The following UCK1 variants were observed in gnomAD, a reference collection of about 807,000 sequenced individuals.
UCK1 encodes the protein cytidine monophosphokinase 1.
Under a neutral mutation model 34.0 loss-of-function variants are expected in UCK1, and 20 were observed. That is an observed-to-expected ratio of 0.59 (90% CI 0.41 to 0.86). The LOEUF is 0.86. Among genes scored for constraint, UCK1 ranks in the 40% least tolerant of loss-of-function variants. The pLI, the probability that UCK1 is intolerant of heterozygous loss-of-function variation, is 0.00. For missense variants in UCK1, 343 were observed against 383.6 expected (o/e 0.89, Z 0.88); for synonymous variants, 168 against 155.9 (o/e 1.08, Z -0.58).
chr9:131,529,436 G>C lies in UCK1; in HGVS notation c.365+52C>G, dbSNP rs1950743685. On this transcript the variant is annotated intron_variant, in intron 3 of 6. Transcript: ENST00000372215. ...CAGGCAGGTCTGTGTGAGCCCGAGG[G>C]GACGTCCTAGCTGGCCCCTCTCCTC... 5.6e-6 allele frequency: 9 copies of C among 1,610,076 alleles called. No homozygotes were observed. In the South Asian group the frequency reaches 9.9e-5, roughly 18 times the overall value.
chr9:131,530,671 G>T, intron 1 of UCK1, 26 bp from the exon 2 acceptor site: 1 of 1,614,162 alleles, frequency 6.2e-7, no homozygotes, highest in Non-Finnish European at 8.5e-7. Flanking sequence ...CGGGATTCCC[G>T]CCTGGAACCG....
intron 1 of UCK1, 60 bp from the exon 2 acceptor site, chr9:131,530,705 C>T (rs1433435239): frequency 6.2e-7 from 1 of 1,613,850 alleles, no homozygotes; most frequent in Non-Finnish European, 8.5e-7. Flanking sequence ...AGGCACGGGG[C>T]CGGCTTCTGG....
chr9:131,530,820 A>T, intron 1 of UCK1, 175 bp from the exon 2 acceptor site: 1 of 1,223,300 alleles, frequency 8.2e-7, no homozygotes, highest in Non-Finnish European at 1.1e-6. Flanking sequence ...CAACGGGGTT[A>T]GCACGGACTT....
chr9:131,530,684 C>G (rs7867616), intron 1 of UCK1, 39 bp from the exon 2 acceptor site: 1,386,631 of 1,614,018 alleles, frequency 0.86, 598,112 homozygotes, highest in East Asian at 1. Context: ...TGGAACCGCT[C>G]GTCCTGTGAC....
chr9:131,526,245 C>A (rs1950599570), intron 5 of UCK1: 1 of 664,308 alleles, frequency 1.5e-6, no homozygotes, highest in Non-Finnish European at 2.5e-6. Flanking sequence ...CAGCCCCCTT[C>A]CAGTGTTCCC....
At chr9:131,526,388 C>G (rs1290380939) in intron 5 of UCK1, 1 of 1,288,364 alleles carries the variant, frequency 7.8e-7, no homozygotes. Context: ...GGCACAGCAA[C>G]AGGACAGCCG....
chr9:131,530,757 G>A, intron 1 of UCK1, 112 bp from the exon 2 acceptor site: 1 of 1,589,256 alleles, frequency 6.3e-7, no homozygotes, highest in Non-Finnish European at 8.6e-7. Context: ...TGCTCGGAAG[G>A]CGGGAGGACA....
chr9:131,525,535 G>T (rs1426938978), intron 6 of UCK1, among the ~76,000 whole-genome samples: 2 of 152,208 alleles, frequency 1.3e-5, no homozygotes, highest in Non-Finnish European at 2.9e-5. Flanking sequence ...CTGGAGTGCA[G>T]TGGCCCAATC....
At chr9:131,526,700 G>A (rs1036845191) in intron 5 of UCK1, among the ~76,000 whole-genome samples, 1 of 152,218 alleles carries the variant, frequency 6.6e-6, no homozygotes, top group East Asian at 1.9e-4. Flanking sequence ...AACGGTGCGT[G>A]CTGCTGGCGT....
chr9:131,526,569 C>G, intron 5 of UCK1: 1 of 1,272,694 alleles, frequency 7.9e-7, no homozygotes, highest in Non-Finnish European at 1.0e-6. Context: ...GGGTCCGCAG[C>G]CAGATGGTGG....
intron 6 of UCK1, 101 bp downstream of exon 6, chr9:131,525,828 G>A (rs888775176): frequency 1.8e-5 from 22 of 1,247,732 alleles, no homozygotes; most frequent in South Asian, 2.7e-5. Context: ...CTGGCAGGCC[G>A]CGTGCGCAGG....
chr9:131,526,522 G>A, intron 5 of UCK1: 1 of 1,289,454 alleles, frequency 7.8e-7, no homozygotes, highest in Non-Finnish European at 1.0e-6. Context: ...GAAGGACAAG[G>A]ATGGAGATAT....
intron 5 of UCK1, chr9:131,528,689 C>A: frequency 1.8e-6 from 1 of 549,836 alleles, no homozygotes; most frequent in African/African-American, 1.9e-5. Flanking sequence ...TGGGCAAGGG[C>A]CTGAGGCAGG....
rs373227413 is a variant in UCK1, at chr9:131,525,211, G to A, written c.663C>T (p.Asn221=). 3.1e-6 allele frequency: 5 copies of A among 1,613,806 alleles called. No individual in the cohort carries two copies. In the African/African-American group the frequency reaches 5.3e-5, roughly 17 times the overall value. Residue 221 remains asparagine (N), a synonymous_variant, in exon 7 of 7, where the codon AAC becomes AAT. Transcript: ENST00000372215. ...TGTCCTGGATGTGCTGCACGATCAG[G>A]TTGATGGCAACTGCGCCAAGAGACA... ...PRGVDNMVAI[N]LIVQHIQDIL...
chr9:131,531,256 A>T lies in UCK1; in HGVS notation c.-82T>A. 1 of 1,214,998 alleles carries T rather than the reference A, an allele frequency of 8.2e-7. No individual in the cohort carries two copies. The highest frequency in any genetic ancestry group is 1.1e-6 in the Non-Finnish European group (1 of 950,906). 75.3% of individuals were successfully genotyped at this position (1,214,998 alleles called of 1,614,324 possible). A position where few individuals can be genotyped will look rare whatever the true frequency, so the allele number is the denominator to read the frequency against. On this transcript the variant is annotated 5_prime_UTR_variant, in exon 1 of 7. Coordinates refer to ENST00000372215, the MANE Select transcript of UCK1 (RefSeq NM_031432.5). ...CGCGCCCGCCCAGCGCCGAGGTCGGAGGCAACCGGAGCGATCACTTCCGGG... is the reference window on the plus strand; with the variant it reads ...CGCGCCCGCCCAGCGCCGAGGTCGGTGGCAACCGGAGCGATCACTTCCGGG...
chr9:131,526,091 G>C (rs1950594906), intron 5 of UCK1, 114 bp from the exon 6 acceptor site: 2 of 1,237,430 alleles, frequency 1.6e-6, no homozygotes, highest in East Asian at 4.6e-5. Flanking sequence ...GCTCAGAGGT[G>C]CTGGTGTCAT....
chr9:131,529,977 T>C (rs1235958736), intron 2 of UCK1, among the ~76,000 whole-genome samples: 1 of 151,872 alleles, frequency 6.6e-6, no homozygotes, highest in African/African-American at 2.4e-5. Context: ...AGGCTGACCA[T>C]GCCAGCCAGC....
intron 2 of UCK1, among the ~76,000 whole-genome samples, chr9:131,529,926 C>G (rs1950765298): frequency 6.6e-6 from 1 of 152,222 alleles, no homozygotes; most frequent in Non-Finnish European, 1.5e-5. Flanking sequence ...ACTGGTTAGA[C>G]TGCGGCTTTG....
rs1187789696 is a variant in UCK1, at chr9:131,531,048, G to A, written c.108+19C>T. On this transcript the variant is annotated intron_variant, in intron 1 of 6. Coordinates refer to ENST00000372215, the MANE Select transcript of UCK1 (RefSeq NM_031432.5). ...AGGCACCGGCGAGAGGCGAGACCCC[G>A]GCCCGCTCGGCCCCTTACCTTCCCG... 4.5e-6 allele frequency: 6 copies of A among 1,347,868 alleles called. No individual in the cohort carries two copies. Among genetic ancestry groups the A allele is most frequent in the East Asian group, 3.1e-5 (1 of 31,864 alleles). 83.5% of individuals were successfully genotyped at this position (1,347,868 alleles called of 1,614,324 possible).
Sources: gnomAD v4.1 joint callset for allele counts (sites outside exome capture counted in the v4.1 genomes callset) on GRCh38, gnomAD v4.1.1 for gene constraint, MANE v1.5 for transcripts, NCBI Gene and HGNC (gene_info 2026-07-23, HGNC 2026-07-21) for gene names.